Variants in ASTN2 observed in about 807,000 individuals in gnomAD.
ASTN2 encodes astrotactin-2.
In ASTN2, 54 loss-of-function variants were observed where a neutral mutation model predicts 139.8. That is an observed-to-expected ratio of 0.39 (90% confidence interval 0.31 to 0.48). ASTN2 has a LOEUF of 0.48. ASTN2 is among the 20% of genes least tolerant of loss of function. The pLI is 0.95. For missense variants in ASTN2, 1,565 were observed against 1,725.1 expected, an observed-to-expected ratio of 0.91 and a Z score of 1.64; for synonymous variants, 756 against 719.5, an observed-to-expected ratio of 1.05 and a Z score of -0.81.
intron 1 of ASTN2, among the ~76,000 whole-genome samples, chr9:117,365,767 C>T (rs1005484013): frequency 5.3e-5 from 8 of 152,160 alleles, no homozygotes; most frequent in Admixed American, 6.5e-5. Context: ...GATGATGTGG[C>T]GAGGCCCCAG....
chr9:116,676,468 T>C (rs922415964), intron 16 of ASTN2, among the ~76,000 whole-genome samples: 4 of 152,200 alleles, frequency 2.6e-5, no homozygotes, highest in Non-Finnish European at 5.9e-5. Flanking sequence ...GCTGGTCAGT[T>C]ACAAACTTTG....
intron 2 of ASTN2, among the ~76,000 whole-genome samples, chr9:117,283,350 C>A (rs1009559264): frequency 1.3e-5 from 2 of 152,086 alleles, no homozygotes; most frequent in Non-Finnish European, 2.9e-5. Context: ...GACCAAGCCA[C>A]AAGGTTCATG....
intron 19 of ASTN2, among the ~76,000 whole-genome samples, chr9:116,586,901 T>C (rs1345800646): frequency 1.3e-5 from 2 of 151,438 alleles, no homozygotes; most frequent in Non-Finnish European, 2.9e-5. Flanking sequence ...GAGATCTTTA[T>C]GGACAAAATC....
intron 7 of ASTN2, 85 bp from the exon 8 acceptor site, chr9:116,976,870 T>TA: frequency 8.3e-7 from 1 of 1,200,326 alleles, no homozygotes; most frequent in Non-Finnish European, 1.2e-6. Flanking sequence ...TCCTAAGACA[T>TA]AAAGTGAGCT....
Position 117,255,836 on chromosome 9 carries a change from C to T in ASTN2, c.630+35490G>A, listed in dbSNP as rs112358254. ...TCTAGAGAAGCTTTCTAGAAGCCACCGGGGCAAGTACCACAATGAAGGGCA... is the reference window on the plus strand; with the variant it reads ...TCTAGAGAAGCTTTCTAGAAGCCACTGGGGCAAGTACCACAATGAAGGGCA... On this transcript the variant is annotated intron_variant, in intron 2 of 22. Transcript: ENST00000313400. Among the ~76,000 whole-genome samples, 11 of 152,128 alleles carry T rather than the reference C, an allele frequency of 7.2e-5. No homozygotes were observed. In the East Asian group the frequency reaches 1.4e-3, roughly 19 times the overall value.
intron 10 of ASTN2, among the ~76,000 whole-genome samples, chr9:116,894,344 A>T (rs750447554): frequency 1.3e-5 from 2 of 152,200 alleles, no homozygotes; most frequent in Non-Finnish European, 2.9e-5. Flanking sequence ...CTCCATTACA[A>T]TTTAAAAGAA....
intron 6 of ASTN2, among the ~76,000 whole-genome samples, chr9:117,015,284 G>T (rs953845830): frequency 6.6e-6 from 1 of 152,136 alleles, no homozygotes; most frequent in African/African-American, 2.4e-5. Context: ...CTCTCAAAGT[G>T]TTGGGATTAC....
intron 5 of ASTN2, among the ~76,000 whole-genome samples, chr9:117,080,464 G>GA (rs1225146023): frequency 6.6e-6 from 1 of 151,944 alleles, no homozygotes; most frequent in Non-Finnish European, 1.5e-5. Flanking sequence ...CAGTGTCACA[G>GA]AAAAAATATG....
intron 10 of ASTN2, among the ~76,000 whole-genome samples, chr9:116,940,007 T>G (rs1203130337): frequency 6.6e-6 from 1 of 152,244 alleles, no homozygotes; most frequent in Non-Finnish European, 1.5e-5. Context: ...CTCTGTTGTA[T>G]AAAAGTATAG....
At chr9:117,019,583 A>T (rs1429798787) in intron 6 of ASTN2, among the ~76,000 whole-genome samples, 1 of 152,124 alleles carries the variant, frequency 6.6e-6, no homozygotes, top group Non-Finnish European at 1.5e-5. Context: ...GTAAGGAGAT[A>T]AAAAAATAAG....
intron 1 of ASTN2, among the ~76,000 whole-genome samples, chr9:117,404,080 G>C (rs1337829458): frequency 6.6e-6 from 1 of 152,218 alleles, no homozygotes; most frequent in Non-Finnish European, 1.5e-5. Context: ...CTGTGTGCCA[G>C]ATGCTGCGCT....
intron 2 of ASTN2, among the ~76,000 whole-genome samples, chr9:117,231,103 C>A (rs1832877982): frequency 6.6e-6 from 1 of 152,236 alleles, no homozygotes; most frequent in Admixed American, 6.5e-5. Flanking sequence ...ACAGCACTCT[C>A]TGAGTTTCTG....
chr9:117,126,572 G>A (rs1829694435), intron 4 of ASTN2, among the ~76,000 whole-genome samples: 1 of 152,186 alleles, frequency 6.6e-6, no homozygotes, highest in Non-Finnish European at 1.5e-5. Context: ...ACAAAACCAT[G>A]ACACTAGCTT....
chr9:116,720,152 C>T (rs933098073), intron 16 of ASTN2, among the ~76,000 whole-genome samples: 7 of 152,140 alleles, frequency 4.6e-5, no homozygotes, highest in Non-Finnish European at 1.0e-4. Flanking sequence ...CCTGAGATGC[C>T]TTTTAAACAG....
At position 117,331,970 on chromosome 9, in the gene ASTN2, TC is replaced by T. The variant is rs199859060; in HGVS notation, c.443-40458del. On this transcript the variant is annotated intron_variant, in intron 1 of 22. Transcript: ENST00000313400. ...CATGTTCTTAGATGCTAATTTTCTT[TC>T]AGACTTCACTGGGCAGGCTCCTCAG... 9.6e-3 allele frequency among the ~76,000 whole-genome samples: 1,454 copies of T among 152,200 alleles called. 25 individuals carry two copies. Among genetic ancestry groups the T allele is most frequent in the African/African-American group, 0.033 (1,382 of 41,522 alleles).
intron 7 of ASTN2, among the ~76,000 whole-genome samples, chr9:117,004,659 C>T (rs748028099): frequency 2.9e-4 from 44 of 152,168 alleles, no homozygotes; most frequent in Non-Finnish European, 5.1e-4. Flanking sequence ...GACCTCTGAC[C>T]TCTGCACAGA....
At chr9:116,856,595 C>T (rs991166677) in intron 11 of ASTN2, among the ~76,000 whole-genome samples, 2 of 152,210 alleles carry the variant, frequency 1.3e-5, no homozygotes, top group African/African-American at 4.8e-5. Flanking sequence ...TTGCCTCCCT[C>T]TGAGCAGTGC....
At chr9:117,148,006 T>A (rs1830241648) in intron 3 of ASTN2, among the ~76,000 whole-genome samples, 4 of 152,218 alleles carry the variant, frequency 2.6e-5, no homozygotes, top group Admixed American at 2.0e-4. Flanking sequence ...TGGTGCTGCC[T>A]GAAACCAGTG....
At position 117,081,403 on chromosome 9, in the gene ASTN2, G is replaced by A. The variant is rs118100066; in HGVS notation, c.1276+14641C>T. On this transcript the variant is annotated intron_variant, in intron 5 of 22. Coordinates refer to ENST00000313400, the MANE Select transcript of ASTN2 (RefSeq NM_001365068.1). ...CCAGTCTACACCCTCTCCTACAACA[G>A]TTTCCTACTGTCATGCCTTTATTTA... 4.0e-3 allele frequency among the ~76,000 whole-genome samples: 608 copies of A among 152,182 alleles called. 1 individual carries two copies. Among genetic ancestry groups the A allele is most frequent in the Middle Eastern group, 0.02 (6 of 294 alleles).
Sources: allele counts gnomAD v4.1 joint callset (sites outside exome capture counted in the v4.1 genomes callset), GRCh38; gene constraint gnomAD v4.1.1; transcripts MANE v1.5; gene names NCBI Gene and HGNC (gene_info 2026-07-23, HGNC 2026-07-21).